The following TNN variants were observed in gnomAD, a reference collection of about 807,000 sequenced individuals.
The protein encoded by TNN is tenascin N, also known as tenascin-N.
TNN carries 122 observed loss-of-function variants against 134.4 expected under a neutral mutation model. The observed-to-expected ratio is 0.91, with a 90% CI of 0.78 to 1.06. The LOEUF (loss-of-function observed/expected upper bound fraction) is 1.06. Ranked by LOEUF, TNN falls within the 50% of genes least tolerant of loss-of-function variation. TNN has a pLI of 0.00. For synonymous variants in TNN, 710 were observed against 670.3 expected, an observed-to-expected ratio of 1.06 and a Z score of -0.91; for missense variants, 1,739 against 1,699.4, an observed-to-expected ratio of 1.02 and a Z score of -0.41.
At chr1:175,075,393 G>T (rs1674016974) in intron 1 of TNN, among the ~76,000 whole-genome samples, 1 of 152,146 alleles carries the variant, frequency 6.6e-6, no homozygotes, top group Admixed American at 6.5e-5. Context: ...CGCCTCCCGG[G>T]TTCCAGCAGT....
At chr1:175,073,320 T>C (rs908641421) in intron 1 of TNN, among the ~76,000 whole-genome samples, 1 of 152,152 alleles carries the variant, frequency 6.6e-6, no homozygotes, top group Non-Finnish European at 1.5e-5. Flanking sequence ...GTGTGGCTTT[T>C]ATCTTTGTGA....
chr1:175,120,096 C>T (rs1180775371), intron 11 of TNN, among the ~76,000 whole-genome samples: 3 of 152,190 alleles, frequency 2.0e-5, no homozygotes, highest in African/African-American at 7.2e-5. Flanking sequence ...CGAATAGACG[C>T]TGTGTGATAG....
At chr1:175,138,465 G>A (rs1675870307) in intron 17 of TNN, among the ~76,000 whole-genome samples, 2 of 152,136 alleles carry the variant, frequency 1.3e-5, no homozygotes, top group South Asian at 4.1e-4. Flanking sequence ...TGGTGACATG[G>A]GAGGGGACAA....
intron 1 of TNN, among the ~76,000 whole-genome samples, chr1:175,071,665 G>A (rs1037479187): frequency 1.3e-5 from 2 of 152,072 alleles, no homozygotes; most frequent in African/African-American, 4.8e-5. Flanking sequence ...GAACACAGAC[G>A]CAGGCAGTGG....
At chr1:175,092,799 G>C (rs1194729653) in intron 6 of TNN, among the ~76,000 whole-genome samples, 1 of 152,014 alleles carries the variant, frequency 6.6e-6, no homozygotes, top group Admixed American at 6.6e-5. Context: ...AATTACTTGG[G>C]CCCCAAGCCA....
chr1:175,089,226 G>A (rs1217808905), intron 6 of TNN, among the ~76,000 whole-genome samples: 1 of 152,200 alleles, frequency 6.6e-6, no homozygotes, highest in East Asian at 1.9e-4. Flanking sequence ...AGGTGGAAAA[G>A]GATGCTGGAA....
intron 5 of TNN, among the ~76,000 whole-genome samples, 187 bp downstream of exon 5, chr1:175,084,122 GC>G (rs1452273189): frequency 6.6e-6 from 1 of 152,196 alleles, no homozygotes; most frequent in African/African-American, 2.4e-5. Context: ...TGTAGACTCT[GC>G]CCCAGCATTC....
At chr1:175,137,246 C>T (rs1023084236) in intron 17 of TNN, among the ~76,000 whole-genome samples, 1 of 152,058 alleles carries the variant, frequency 6.6e-6, no homozygotes, top group Admixed American at 6.6e-5. Context: ...CCCTTGTACT[C>T]CTCTTATTCA....
Position 175,147,713 on chromosome 1 carries a change from T to G in TNN, c.*642T>G, listed in dbSNP as rs1676109143. 1.3e-5 allele frequency: 2 copies of G among 152,236 alleles called. No individual in the cohort carries two copies. The highest frequency in any genetic ancestry group is 2.4e-5 in the African/African-American group (1 of 41,458). The allele number at this position is 152,236 out of a possible 1,614,324, so 9.4% of individuals were successfully genotyped here. On this transcript the variant is annotated 3_prime_UTR_variant, in exon 19 of 19. Coordinates refer to ENST00000239462, the MANE Select transcript of TNN (RefSeq NM_022093.2). ...TTTTTAAGTGCCCTCTTTTCAGTCA[T>G]TTGCATAATTGCGTCCATAGAGCTG...
rs1675596864 is a variant in TNN, at chr1:175,128,699, C to T, written c.3283C>T (p.Pro1095Ser). ...CTACCTGCATGGCGATGCCAGCCGG[C>T]CCCTGCAGGTGTACTGTGACATGGA... ...TIYLHGDASRPLQVYCDMETD... is the reference protein window; with the variant it reads ...TIYLHGDASRSLQVYCDMETD... Residue 1095 changes from proline (P) to serine (S), a missense_variant, in exon 15 of 19, where the codon CCC (proline) becomes TCC (serine). By Grantham distance (74) the Pro-to-Ser change is moderately conservative. Transcript: ENST00000239462. The T allele has an allele frequency of 6.2e-7, 1 of 1,614,024 alleles. No individual in the cohort carries two copies. The highest frequency in any genetic ancestry group is 8.5e-7 in the Non-Finnish European group (1 of 1,179,946).
intron 12 of TNN, among the ~76,000 whole-genome samples, 176 bp downstream of exon 12, chr1:175,123,839 G>A (rs1041868273): frequency 3.8e-5 from 3 of 79,750 alleles, no homozygotes; most frequent in Non-Finnish European, 8.0e-5. Context: ...GCTCAGATAA[G>A]ATGAGAGAGT....
chr1:175,107,301 G>T lies in TNN; in HGVS notation c.2119+8706G>T, dbSNP rs578199439. ...AGGAGTGAAGCTGCAGACCTTCGTG[G>T]TGAGTGTTACAGCTCTTAAGGTGGC... On this transcript the variant is annotated intron_variant, in intron 9 of 18. Coordinates refer to ENST00000239462, the MANE Select transcript of TNN (RefSeq NM_022093.2). Among the ~76,000 whole-genome samples the T allele has an allele frequency of 9.4e-4, 133 of 141,002 alleles. 6 individuals carry two copies. The highest frequency in any genetic ancestry group is 3.3e-3 in the African/African-American group (131 of 39,658). 92.5% of individuals were successfully genotyped at this position (141,002 alleles called of 152,430 possible). A position where few individuals can be genotyped will look rare whatever the true frequency, so the allele number is the denominator to read the frequency against.
chr1:175,090,300 A>G (rs1674411850), intron 6 of TNN, among the ~76,000 whole-genome samples: 2 of 152,184 alleles, frequency 1.3e-5, no homozygotes, highest in African/African-American at 2.4e-5. Flanking sequence ...TGCATTTTCT[A>G]CAAACGATGC....
At chr1:175,080,017 G>A (rs1054940506) in intron 3 of TNN, 146 bp from the exon 4 acceptor site, 32 of 1,103,734 alleles carry the variant, frequency 2.9e-5, no homozygotes, top group Non-Finnish European at 3.5e-5. Flanking sequence ...CCTGTCGTTC[G>A]GATAATAACT....
chr1:175,079,392 T>A lies in TNN; in HGVS notation c.469T>A (p.Cys157Ser). The A allele has an allele frequency of 6.3e-7, 1 of 1,599,016 alleles. No individual in the cohort carries two copies. Among genetic ancestry groups the A allele is most frequent in the Non-Finnish European group, 8.5e-7 (1 of 1,176,588 alleles). The change falls in exon 3 of 19, where the codon TGC becomes AGC. Residue 157 changes from cysteine (C) to serine (S), a missense_variant. Transcript: ENST00000239462. ...CTCCCTGGAGACCTGCAGCTGCCAC[T>A]GCGAAGAGGGCAGGGAGGGCCCCGC... ...TFSLETCSCH[C>S]EEGREGPACE...
rs762595888 is a variant in TNN, at chr1:175,079,352, C to T, written c.429C>T (p.Ser143=). The T allele has an allele frequency of 2.5e-5, 40 of 1,596,482 alleles. No homozygotes were observed. The highest frequency in any genetic ancestry group is 3.2e-5 in the Non-Finnish European group (38 of 1,176,772). ...TCCCAGATCTAAGCCGCCACTGCAG[C>T]GGCCACGGGACCTTCTCCCTGGAGA... ...QGVTDLSRHC[S]GHGTFSLETC... is the part of the protein sequence containing the mutation. The change falls in exon 3 of 19, where the codon AGC becomes AGT. Residue 143 remains serine, a synonymous_variant. Transcript: ENST00000239462.
Position 175,098,481 on chromosome 1 carries a change from G to C in TNN, c.2005G>C (p.Glu669Gln). Reference protein sequence around the residue: ...GETREVPVGKEQSSTVLTGLR... With the variant: ...GETREVPVGKQQSSTVLTGLR... ...GACCAGGGAGGTTCCGGTGGGGAAGGAGCAGAGCAGCACAGTCCTGACAGG... is the reference window on the plus strand; with the variant it reads ...GACCAGGGAGGTTCCGGTGGGGAAGCAGCAGAGCAGCACAGTCCTGACAGG... The change falls in exon 9 of 19, where the codon GAG (glutamate) becomes CAG (glutamine). Residue 669 changes from glutamate (E) to glutamine (Q), a missense_variant. Transcript: ENST00000239462. 1 of 1,614,194 alleles carries C rather than the reference G, an allele frequency of 6.2e-7. No homozygotes were observed. The highest frequency in any genetic ancestry group is 1.1e-5 in the South Asian group (1 of 91,082).
intron 15 of TNN, among the ~76,000 whole-genome samples, chr1:175,130,771 C>A (rs890974578): frequency 1.3e-5 from 2 of 152,164 alleles, no homozygotes; most frequent in Non-Finnish European, 2.9e-5. Context: ...ACAGAAATCC[C>A]TGCCCCCAAG....
At chr1:175,101,403 G>A (rs867721783) in intron 9 of TNN, among the ~76,000 whole-genome samples, 10 of 151,476 alleles carry the variant, frequency 6.6e-5, no homozygotes, top group Non-Finnish European at 1.2e-4. Flanking sequence ...TAAAAGCAGC[G>A]TGGACCCAAA....
Sources: gnomAD v4.1 joint callset for allele counts (sites outside exome capture counted in the v4.1 genomes callset) on GRCh38, gnomAD v4.1.1 for gene constraint, MANE v1.5 for transcripts, NCBI Gene and HGNC (gene_info 2026-07-23, HGNC 2026-07-21) for gene names.